The following COL6A2 variants were observed in gnomAD, a reference collection of about 807,000 sequenced individuals.
COL6A2 encodes collagen type VI alpha 2 chain.
In COL6A2, 90 loss-of-function variants were observed where a neutral mutation model predicts 124.9. The ratio of observed to expected loss-of-function variants is 0.72; its 90% CI spans 0.61 to 0.86. The LOEUF (loss-of-function observed/expected upper bound fraction) is 0.86. Ranked by LOEUF, COL6A2 falls within the 40% of genes least tolerant of loss-of-function variation. The probability of loss-of-function intolerance (pLI) is 0.00; values close to 1 mark genes in which losing one functional copy is unlikely to be tolerated. For synonymous variants in COL6A2, 793 were observed against 618.2 expected, an observed-to-expected ratio of 1.28 and a Z score of -4.19; for missense variants, 1,607 against 1,502.5, an observed-to-expected ratio of 1.07 and a Z score of -1.15.
Position 46,114,042 on chromosome 21 carries a change from C to A in COL6A2, c.770C>A (p.Pro257His). The A allele has an allele frequency of 2.5e-6, 4 of 1,613,800 alleles. No individual in the cohort carries two copies. Among genetic ancestry groups the A allele is most frequent in the Non-Finnish European group, 3.4e-6 (4 of 1,179,972 alleles). Residue 257 changes from proline (P) to histidine (H), a missense_variant, in exon 5 of 28, where the codon CCC (proline) becomes CAC (histidine). This residue lies in a region of COL6A2 where 342 missense variants were observed against 381.5 expected (regional missense o/e 0.90). Transcript: ENST00000300527. ...GTGAGCTGCCTGGAAATCCCTGGGC[C>A]CTCTGGCCCCAAGGGCTACCGTGGA... ...YKVSCLEIPG[P>H]SGPKGYRGQK...
chr21:46,111,858 C>T lies in COL6A2; in HGVS notation c.116-121C>T, dbSNP rs1403840570. On this transcript the variant is annotated intron_variant, in intron 2 of 27. Coordinates refer to ENST00000300527, the MANE Select transcript of COL6A2 (RefSeq NM_001849.4). The stretch of plus-strand genomic sequence containing the variant: ...TACCCAGGTGCCAGGGGTTGGGGGC[C>T]GGGGGCTCTGGCATTCGGGGGCAGT... 9.4e-6 allele frequency: 10 copies of T among 1,066,052 alleles called. No homozygotes were observed. In the East Asian group the frequency reaches 1.7e-4, roughly 18 times the overall value. The allele number at this position is 1,066,052 out of a possible 1,614,324, so 66.0% of individuals were successfully genotyped here.
At chr21:46,099,520 C>T (rs1306744756) in intron 1 of COL6A2, among the ~76,000 whole-genome samples, 1 of 150,594 alleles carries the variant, frequency 6.6e-6, no homozygotes, top group African/African-American at 2.4e-5. Context: ...CTCTTAAACA[C>T]GGCCCTGCAC....
At chr21:46,126,326 G>T in intron 26 of COL6A2, 89 bp downstream of exon 26, 1 of 1,544,108 alleles carries the variant, frequency 6.5e-7, no homozygotes, top group Non-Finnish European at 8.9e-7. Context: ...CCTCACCTGA[G>T]GGATGAATGT....
chr21:46,115,165 G>A (rs916299799), intron 5 of COL6A2, among the ~76,000 whole-genome samples: 22 of 152,358 alleles, frequency 1.4e-4, no homozygotes, highest in African/African-American at 5.1e-4. Context: ...TGTTGGGGGG[G>A]CCACTGGAAG....
Position 46,125,522 on chromosome 21 carries a change from G to A in COL6A2, c.1874G>A (p.Ser625Asn). Reference sequence around the variant, plus strand: ...GTCTTCGTCATCGACAGCTCCGAGAGCATTGGGTACACCAACTTCACACTG... The same window carrying A: ...GTCTTCGTCATCGACAGCTCCGAGAACATTGGGTACACCAACTTCACACTG... ...DVVFVIDSSE[S>N]IGYTNFTLEK... Residue 625 changes from serine (S) to asparagine (N), a missense_variant, in exon 25 of 28, where the codon AGC becomes AAC. By Grantham distance (46) the Ser-to-Asn change is conservative. Around this residue, in one of 3 missense-constraint regions of COL6A2, gnomAD observed 1,223 missense variants for 1,052.2 expected, o/e 1.16. Coordinates refer to ENST00000300527, the MANE Select transcript of COL6A2 (RefSeq NM_001849.4). 1.2e-6 allele frequency: 2 copies of A among 1,612,988 alleles called. No individual in the cohort carries two copies. Among genetic ancestry groups the A allele is most frequent in the Non-Finnish European group, 1.7e-6 (2 of 1,179,980 alleles).
At chr21:46,130,045 A>G (rs1025093091) in intron 27 of COL6A2, among the ~76,000 whole-genome samples, 4 of 152,162 alleles carry the variant, frequency 2.6e-5, no homozygotes, top group African/African-American at 9.7e-5. Flanking sequence ...AATCCCGTGC[A>G]TGGTGACTCG....
rs140169822 is a variant in COL6A2, at chr21:46,113,962, G to A, written c.736-46G>A. The A allele has an allele frequency of 3.5e-4, 536 of 1,533,532 alleles. 1 individual carries two copies. The African/African-American group carries it at 4.4e-3, about 12-fold the overall frequency. The allele number at this position is 1,533,532 out of a possible 1,614,324, so 95.0% of individuals were successfully genotyped here. A position where few individuals can be genotyped will look rare whatever the true frequency, so the allele number is the denominator to read the frequency against. ...CTGAGACCCTGCCCTGCCACCTGAGGAATGTCCCACCCATGCAACCTTCTG... is the reference window on the plus strand; with the variant it reads ...CTGAGACCCTGCCCTGCCACCTGAGAAATGTCCCACCCATGCAACCTTCTG... On this transcript the variant is annotated intron_variant, in intron 4 of 27. Transcript: ENST00000300527.
In COL6A2 at chr21:46,132,236, C is replaced by T. The variant is rs1490253728; in HGVS notation, c.2744C>T (p.Ser915Leu). The T allele has an allele frequency of 8.7e-6, 14 of 1,600,160 alleles. No homozygotes were observed. The highest frequency in any genetic ancestry group is 2.3e-5 in the East Asian group (1 of 44,150). ...ACCACACAATACCTGAACTCCTTCT[C>T]GCACGTGGGCGCAGGCGTGGTGCAC... Reference protein sequence around the residue: ...LETTQYLNSFSHVGAGVVHAI... With the variant: ...LETTQYLNSFLHVGAGVVHAI... The change falls in exon 28 of 28, where the codon TCG becomes TTG. Residue 915 changes from serine (S) to leucine (L), a missense_variant. By Grantham distance (145) the Ser-to-Leu change is moderately radical (BLOSUM62 -2). Coordinates refer to ENST00000300527, the MANE Select transcript of COL6A2 (RefSeq NM_001849.4).
At chr21:46,105,432 C>G (rs981856605) in intron 1 of COL6A2, among the ~76,000 whole-genome samples, 1 of 152,078 alleles carries the variant, frequency 6.6e-6, no homozygotes, top group Non-Finnish European at 1.5e-5. Flanking sequence ...AATATATAGA[C>G]AATTATAAAA....
intron 14 of COL6A2, 88 bp downstream of exon 14, chr21:46,119,207 C>CT (rs1320767450): frequency 5.8e-6 from 6 of 1,031,562 alleles, no homozygotes; most frequent in African/African-American, 1.6e-5. Context: ...GGCACCTGGG[C>CT]TGTAGGCAGG....
chr21:46,115,069 G>C (rs1431625906), intron 5 of COL6A2, among the ~76,000 whole-genome samples: 3 of 152,270 alleles, frequency 2.0e-5, no homozygotes, highest in Non-Finnish European at 4.4e-5. Context: ...TCCAGTCCTG[G>C]TGGCAATGCC....
intron 21 of COL6A2, among the ~76,000 whole-genome samples, chr21:46,123,330 G>C (rs2078597345): frequency 6.9e-6 from 1 of 144,130 alleles, no homozygotes; most frequent in Non-Finnish European, 1.5e-5. Flanking sequence ...CCTCCACATA[G>C]CATCCCCCTC....
At chr21:46,131,828 C>T (rs961939775) in intron 27 of COL6A2, 126 bp from the exon 28 acceptor site, 47 of 925,612 alleles carry the variant, frequency 5.1e-5, no homozygotes, top group Admixed American at 1.4e-4. Flanking sequence ...GAAACGCCCC[C>T]GCAGAGCCCA....
At chr21:46,129,169 C>G in intron 27 of COL6A2, 3 of 1,612,536 alleles carry the variant, frequency 1.9e-6, no homozygotes, top group Non-Finnish European at 2.5e-6. Context: ...GCAGGCCTTA[C>G]AGTCTTCTCT....
At chr21:46,129,631 G>A (rs2078732799) in intron 27 of COL6A2, 2 of 1,428,256 alleles carry the variant, frequency 1.4e-6, no homozygotes, top group Non-Finnish European at 9.1e-7. Flanking sequence ...CAGGGGCTCT[G>A]GGGCAGCTCC....
In COL6A2 at chr21:46,123,117, C is replaced by T. The variant is rs78767263; in HGVS notation, c.1671+180C>T. On this transcript the variant is annotated intron_variant, in intron 21 of 27. Coordinates refer to ENST00000300527, the MANE Select transcript of COL6A2 (RefSeq NM_001849.4). The stretch of plus-strand genomic sequence containing the variant: ...CAGGGGCCCCCTCCCTCAACCCAGC[C>T]TCCCTTCCAGCGTCCCCTCCCCAGT... Among the ~76,000 whole-genome samples, 9,715 of 144,148 alleles carry T rather than the reference C, an allele frequency of 0.067. 1,242 individuals carry two copies. The highest frequency in any genetic ancestry group is 0.25 in the African/African-American group (8,879 of 35,142). 94.6% of individuals were successfully genotyped at this position (144,148 alleles called of 152,430 possible).
intron 27 of COL6A2, among the ~76,000 whole-genome samples, chr21:46,127,039 T>G (rs1285366313): frequency 6.6e-6 from 1 of 152,198 alleles, no homozygotes; most frequent in Non-Finnish European, 1.5e-5. Flanking sequence ...GGGGAGCCCA[T>G]GTCCCGGATG....
At chr21:46,121,767 G>A (rs1279351020) in intron 18 of COL6A2, 149 bp downstream of exon 18, 3 of 797,700 alleles carry the variant, frequency 3.8e-6, no homozygotes, top group African/African-American at 3.4e-5. Context: ...GGAGTGAGGG[G>A]ATGCCTCCGG....
intron 23 of COL6A2, 75 bp downstream of exon 23, chr21:46,124,995 A>G: frequency 6.4e-7 from 1 of 1,561,056 alleles, no homozygotes; most frequent in Non-Finnish European, 8.8e-7. Flanking sequence ...GGGGTGGGGG[A>G]AGGTCAGCTG....
Sources: allele counts gnomAD v4.1 joint callset (sites outside exome capture counted in the v4.1 genomes callset), GRCh38; gene constraint gnomAD v4.1.1; regional missense constraint gnomAD v4.1.1; transcripts MANE v1.5; gene names NCBI Gene and HGNC (gene_info 2026-07-23, HGNC 2026-07-21).